RPS6KA5: variants seen among roughly 807,000 people sequenced by gnomAD.
RPS6KA5 encodes the protein ribosomal protein S6 kinase alpha-5.
A neutral mutation model predicts 85.5 loss-of-function variants in RPS6KA5; 27 were observed. The observed-to-expected ratio is 0.32, with a 90% confidence interval of 0.23 to 0.44. RPS6KA5 has a LOEUF of 0.44. RPS6KA5 is among the 20% of genes least tolerant of loss of function. RPS6KA5 has a pLI of 1.00. For missense variants in RPS6KA5, 811 were observed against 980.9 expected, an observed-to-expected ratio of 0.83 and a Z score of 2.31; for synonymous variants, 334 against 348.2, an observed-to-expected ratio of 0.96 and a Z score of 0.46.
intron 2 of RPS6KA5, among the ~76,000 whole-genome samples, chr14:90,993,303 G>A (rs2040383364): frequency 2.6e-5 from 4 of 152,184 alleles, no homozygotes; most frequent in African/African-American, 7.2e-5. Flanking sequence ...AGCCAGCCAT[G>A]GTGGCATGAG....
intron 13 of RPS6KA5, among the ~76,000 whole-genome samples, chr14:90,893,642 TAAAC>T (rs767211126): frequency 2.3e-4 from 35 of 152,250 alleles, no homozygotes; most frequent in Admixed American, 5.2e-4. Context: ...ACATGATAAT[TAAAC>T]AAAGTTCTAT....
At chr14:91,056,587 C>T (rs1470905143) in intron 1 of RPS6KA5, among the ~76,000 whole-genome samples, 1 of 152,162 alleles carries the variant, frequency 6.6e-6, no homozygotes, top group African/African-American at 2.4e-5. Flanking sequence ...ACAGACAATG[C>T]TAAGTTTCTG....
At chr14:91,022,307 T>C (rs1051759558) in intron 1 of RPS6KA5, among the ~76,000 whole-genome samples, 2 of 152,288 alleles carry the variant, frequency 1.3e-5, no homozygotes, top group Admixed American at 1.3e-4. Context: ...AGAATAATGA[T>C]CAAATTGAAT....
intron 1 of RPS6KA5, among the ~76,000 whole-genome samples, chr14:91,054,489 T>G (rs926294020): frequency 1.3e-5 from 2 of 151,184 alleles, no homozygotes; most frequent in African/African-American, 4.9e-5. Flanking sequence ...ATACAAAAAT[T>G]AGCCAGGCAT....
At chr14:91,055,988 GC>G (rs1480925740) in intron 1 of RPS6KA5, among the ~76,000 whole-genome samples, 1 of 152,144 alleles carries the variant, frequency 6.6e-6, no homozygotes, top group Non-Finnish European at 1.5e-5. Context: ...TGCAGTCCTG[GC>G]CAACACCTTG....
chr14:90,956,975 T>G (rs1013634007), intron 3 of RPS6KA5, among the ~76,000 whole-genome samples: 2 of 150,914 alleles, frequency 1.3e-5, no homozygotes, highest in South Asian at 2.1e-4. Flanking sequence ...TTTTTTTTTT[T>G]TTTTTTTTTT....
chr14:90,900,710 G>A lies in RPS6KA5; in HGVS notation c.1146C>T (p.Ile382=), dbSNP rs55985734. 3,986 of 1,612,910 alleles carry A rather than the reference G, an allele frequency of 2.5e-3. 15 individuals are homozygous for A. Among genetic ancestry groups the A allele is most frequent in the Non-Finnish European group, 2.9e-3 (3,477 of 1,179,486 alleles). ...FQGYSFVAPS[I]LFKRNAAVID... ...TGACAGCTGCATTACGCTTGAATAG[G>A]ATGGAAGGAGCAACAAAGGAATAGC... Residue 382 remains isoleucine (I), a synonymous_variant, in exon 10 of 17, where the codon ATC becomes ATT. Coordinates refer to ENST00000614987, the MANE Select transcript of RPS6KA5 (RefSeq NM_004755.4).
chr14:91,004,145 G>C (rs1391536195), intron 1 of RPS6KA5, among the ~76,000 whole-genome samples: 1 of 152,132 alleles, frequency 6.6e-6, no homozygotes, highest in Non-Finnish European at 1.5e-5. Context: ...GAGTGCAGTG[G>C]CGCGATCTCA....
chr14:91,015,819 C>A (rs181372615), intron 1 of RPS6KA5, among the ~76,000 whole-genome samples: 6 of 152,374 alleles, frequency 3.9e-5, no homozygotes, highest in Admixed American at 6.5e-5. Context: ...AATAATCCTA[C>A]TTTTTAAAAA....
chr14:90,997,907 G>A (rs992815514), intron 2 of RPS6KA5, among the ~76,000 whole-genome samples: 12 of 151,336 alleles, frequency 7.9e-5, no homozygotes, highest in Middle Eastern at 3.2e-3. Context: ...CAGCTACTCC[G>A]GAGGCTGAGG....
At chr14:91,011,348 T>C (rs1171409911) in intron 1 of RPS6KA5, among the ~76,000 whole-genome samples, 1 of 151,870 alleles carries the variant, frequency 6.6e-6, no homozygotes, top group Non-Finnish European at 1.5e-5. Context: ...TAGTCAGGTG[T>C]GGTGGCAGGC....
rs773211826 is a variant in RPS6KA5 at position 90,900,138 on chromosome 14, T to G, written c.1349A>C (p.Gln450Pro). 1.2e-6 allele frequency: 2 copies of G among 1,602,988 alleles called. No individual in the cohort carries two copies. The highest frequency in any genetic ancestry group is 2.3e-5 in the South Asian group (2 of 88,586). Reference protein sequence around the residue: ...CRKCVHKKSNQAFAVKIISKR... With the variant: ...CRKCVHKKSNPAFAVKIISKR... ...GCTGATTATTTTGACTGCAAAAGCT[T>G]GGTTACTTTTTTTATGCACACACTT... Residue 450 changes from glutamine (Q) to proline (P), a missense_variant, in exon 11 of 17, where the codon CAA becomes CCA. Gln to Pro is a moderately conservative substitution (Grantham distance 76, BLOSUM62 -1). Around this residue, in one of 3 missense-constraint regions of RPS6KA5, gnomAD observed 650 missense variants for 793.4 expected, o/e 0.82. Transcript: ENST00000614987.
At chr14:91,005,483 C>A (rs950349282) in intron 1 of RPS6KA5, among the ~76,000 whole-genome samples, 1 of 152,054 alleles carries the variant, frequency 6.6e-6, no homozygotes, top group Non-Finnish European at 1.5e-5. Flanking sequence ...CATATGAGAG[C>A]AAATCAGTAG....
At chr14:90,961,485 T>C (rs1388664898) in intron 3 of RPS6KA5, among the ~76,000 whole-genome samples, 1 of 152,194 alleles carries the variant, frequency 6.6e-6, no homozygotes, top group Admixed American at 6.5e-5. Flanking sequence ...TTGTCAGAAA[T>C]ATTGCCTTAA....
At chr14:90,931,071 TGAA>T in intron 5 of RPS6KA5, among the ~76,000 whole-genome samples, 1 of 152,344 alleles carries the variant, frequency 6.6e-6, no homozygotes, top group South Asian at 2.1e-4. Flanking sequence ...GCAGGCCTCT[TGAA>T]GAAATATTTG....
intron 15 of RPS6KA5, among the ~76,000 whole-genome samples, chr14:90,874,770 C>T (rs2033340412): frequency 6.6e-6 from 1 of 152,126 alleles, no homozygotes; most frequent in South Asian, 2.1e-4. Flanking sequence ...GACCGGACTG[C>T]TAGGAGCGCT....
At chr14:90,909,960 G>A (rs954494834) in intron 7 of RPS6KA5, among the ~76,000 whole-genome samples, 4 of 152,084 alleles carry the variant, frequency 2.6e-5, no homozygotes, top group African/African-American at 9.7e-5. Context: ...ATTTTCAGTA[G>A]AGATGGGGTT....
In RPS6KA5 at chr14:90,896,823, G is replaced by A. The variant is rs144531711; in HGVS notation, c.1474-2240C>T. On this transcript the variant is annotated intron_variant, in intron 12 of 16. Coordinates refer to ENST00000614987, the MANE Select transcript of RPS6KA5 (RefSeq NM_004755.4). ...GCAACCTCCGCCTCCCAAGTTCAAC[G>A]GATTATCCCACCTCAGCCTCCAGAG... is the stretch of plus-strand genomic sequence containing the variant. Among the ~76,000 whole-genome samples, 123 of 151,958 alleles carry A rather than the reference G, an allele frequency of 8.1e-4. No homozygotes were observed. In the East Asian group the frequency reaches 0.023, roughly 28 times the overall value.
In RPS6KA5 at chr14:90,910,805, C is replaced by T. The variant is rs528974590; in HGVS notation, c.807-4506G>A. On this transcript the variant is annotated intron_variant, in intron 7 of 16. Coordinates refer to ENST00000614987, the MANE Select transcript of RPS6KA5 (RefSeq NM_004755.4). Reference sequence around the variant, plus strand: ...GGTTCACGCCATCCTCCTGCCTCAGCCTCCTGAGTACCTGGGACTACAGGC... The same window carrying T: ...GGTTCACGCCATCCTCCTGCCTCAGTCTCCTGAGTACCTGGGACTACAGGC... Among the ~76,000 whole-genome samples the T allele has an allele frequency of 3.2e-4, 48 of 152,150 alleles. 1 individual carries two copies. The highest frequency in any genetic ancestry group is 1.0e-3 in the African/African-American group (43 of 41,480).
Sources: allele counts gnomAD v4.1 joint callset (sites outside exome capture counted in the v4.1 genomes callset), GRCh38; gene constraint gnomAD v4.1.1; regional missense constraint gnomAD v4.1.1; transcripts MANE v1.5; gene names NCBI Gene and HGNC (gene_info 2026-07-23, HGNC 2026-07-21).